Variants in CRPPA observed in about 807,000 individuals in gnomAD.
The protein encoded by CRPPA is CDP-L-ribitol pyrophosphorylase A, also known as D-ribitol-5-phosphate cytidylyltransferase.
A neutral mutation model predicts 52.0 loss-of-function variants in CRPPA; 43 were observed. The observed-to-expected ratio is 0.83, with a 90% confidence interval of 0.65 to 1.07. CRPPA has a LOEUF of 1.07. Ranked by LOEUF, CRPPA falls within the 50% of genes least tolerant of loss-of-function variation. The probability of loss-of-function intolerance (pLI) is 0.00; values close to 1 mark genes in which losing one functional copy is unlikely to be tolerated. For missense variants in CRPPA, 629 were observed against 551.7 expected, an observed-to-expected ratio of 1.14 and a Z score of -1.40; for synonymous variants, 250 against 203.5, an observed-to-expected ratio of 1.23 and a Z score of -1.94.
At chr7:16,149,947 C>T (rs945901038) in intron 9 of CRPPA, among the ~76,000 whole-genome samples, 3 of 151,052 alleles carry the variant, frequency 2.0e-5, no homozygotes, top group African/African-American at 7.3e-5. Flanking sequence ...GATCGCACCA[C>T]TGCACTCCAG....
intron 9 of CRPPA, among the ~76,000 whole-genome samples, chr7:16,128,648 A>T (rs6943936): frequency 5.3e-5 from 8 of 152,044 alleles, no homozygotes; most frequent in Non-Finnish European, 7.4e-5. Context: ...GTAGAAAGGC[A>T]GTGGGTGACA....
chr7:16,153,850 T>C (rs1783123245), intron 9 of CRPPA, among the ~76,000 whole-genome samples: 1 of 152,106 alleles, frequency 6.6e-6, no homozygotes, highest in Admixed American at 6.6e-5. Context: ...TCCCTTGAGA[T>C]AAACTTTAGG....
intron 9 of CRPPA, among the ~76,000 whole-genome samples, chr7:16,159,807 T>A (rs1783264639): frequency 6.6e-6 from 1 of 152,192 alleles, no homozygotes; most frequent in Non-Finnish European, 1.5e-5. Flanking sequence ...ATGGTTGAAC[T>A]AACTTACACT....
Position 16,216,179 on chromosome 7 carries a change from TA to T in CRPPA, c.1137del (p.Phe379LeufsTer3), listed in dbSNP as rs1157302803. On this transcript the variant is annotated frameshift_variant, in exon 9 of 10. Coordinates refer to ENST00000407010, the MANE Select transcript of CRPPA (RefSeq NM_001101426.4). LOFTEE classifies it high-confidence loss of function. ...VVVVSVHFLD[F>X]KLVPPSQKME... is the part of the protein sequence containing the mutation. ...ATTTTCTGACTGGGAGGTACTAATT[TA>T]AAATCAAGAAAATGAACCTGCAAAA... The T allele has an allele frequency of 6.3e-7, 1 of 1,577,100 alleles. No individual in the cohort carries two copies. The highest frequency in any genetic ancestry group is 8.7e-7 in the Non-Finnish European group (1 of 1,155,824).
chr7:16,206,908 A>G (rs1781987646), intron 9 of CRPPA, among the ~76,000 whole-genome samples: 2 of 152,146 alleles, frequency 1.3e-5, no homozygotes, highest in African/African-American at 2.4e-5. Flanking sequence ...GGAAGTTTGA[A>G]TCTTAATTAA....
intron 8 of CRPPA, among the ~76,000 whole-genome samples, chr7:16,242,292 T>C (rs534015203): frequency 6.6e-6 from 1 of 152,156 alleles, no homozygotes; most frequent in South Asian, 2.1e-4. Flanking sequence ...CATGAGAAAT[T>C]TTATGAATTT....
At chr7:16,198,277 C>T (rs1781779770) in intron 9 of CRPPA, among the ~76,000 whole-genome samples, 1 of 26,492 alleles carries the variant, frequency 3.8e-5, no homozygotes, top group Admixed American at 4.3e-4. Flanking sequence ...TATGCTCCAT[C>T]TACTGAGATA....
intron 5 of CRPPA, among the ~76,000 whole-genome samples, chr7:16,300,950 C>T (rs902819107): frequency 7.2e-5 from 11 of 152,140 alleles, no homozygotes; most frequent in Non-Finnish European, 1.6e-4. Context: ...TACAAAATTG[C>T]AGTCATTGTC....
chr7:16,383,640 G>A (rs1323926309), intron 2 of CRPPA, among the ~76,000 whole-genome samples: 1 of 152,230 alleles, frequency 6.6e-6, no homozygotes, highest in African/African-American at 2.4e-5. Flanking sequence ...AGCTGTGGTG[G>A]GCTCCACCCA....
chr7:16,260,052 A>T (rs915533705), intron 6 of CRPPA, among the ~76,000 whole-genome samples: 1 of 151,996 alleles, frequency 6.6e-6, no homozygotes, highest in Admixed American at 6.6e-5. Context: ...GTCCATAGTC[A>T]TCAACAATAT....
At chr7:16,148,000 A>G (rs1783006229) in intron 9 of CRPPA, among the ~76,000 whole-genome samples, 2 of 152,130 alleles carry the variant, frequency 1.3e-5, no homozygotes, top group African/African-American at 2.4e-5. Context: ...GTATTTCTTA[A>G]TCACCTCAAA....
At chr7:16,345,720 T>C (rs957715217) in intron 3 of CRPPA, among the ~76,000 whole-genome samples, 3 of 151,258 alleles carry the variant, frequency 2.0e-5, no homozygotes, top group African/African-American at 7.2e-5. Flanking sequence ...CTCAAGCTGT[T>C]AGTTTGGCAA....
chr7:16,104,259 A>G (rs1782104395), intron 9 of CRPPA, among the ~76,000 whole-genome samples: 1 of 152,198 alleles, frequency 6.6e-6, no homozygotes, highest in African/African-American at 2.4e-5. Flanking sequence ...GCAAAATCCT[A>G]GCCTGGCAAA....
chr7:16,285,095 C>G (rs541247145), intron 5 of CRPPA, among the ~76,000 whole-genome samples: 19 of 152,262 alleles, frequency 1.2e-4, no homozygotes, highest in African/African-American at 4.6e-4. Flanking sequence ...TACATAACAA[C>G]TACCTTGAGG....
chr7:16,346,656 T>G (rs954316148), intron 3 of CRPPA, among the ~76,000 whole-genome samples: 14 of 152,260 alleles, frequency 9.2e-5, no homozygotes, highest in Admixed American at 3.3e-4. Context: ...CACACCCTTG[T>G]CTTGTCTCAT....
chr7:16,139,211 G>GA (rs1782820067), intron 9 of CRPPA, among the ~76,000 whole-genome samples: 1 of 152,194 alleles, frequency 6.6e-6, no homozygotes, highest in Non-Finnish European at 1.5e-5. Flanking sequence ...GGAAACAGTA[G>GA]TCTAGTCAAA....
At chr7:16,174,191 A>G (rs1003010065) in intron 9 of CRPPA, among the ~76,000 whole-genome samples, 1 of 152,194 alleles carries the variant, frequency 6.6e-6, no homozygotes, top group Non-Finnish European at 1.5e-5. Context: ...CAGTGCAAAT[A>G]GGTGATGGCC....
chr7:16,323,223 G>C (rs1459173116), intron 3 of CRPPA, among the ~76,000 whole-genome samples: 1 of 152,070 alleles, frequency 6.6e-6, no homozygotes, highest in Non-Finnish European at 1.5e-5. Flanking sequence ...AGAATTTAAG[G>C]GGTCCTGGGA....
chr7:16,320,911 A>G (rs139282314), intron 3 of CRPPA, among the ~76,000 whole-genome samples: 168 of 152,308 alleles, frequency 1.1e-3, no homozygotes, highest in Non-Finnish European at 2.1e-3. Context: ...CTGATAATAT[A>G]GCTACAACCA....
Sources: allele counts gnomAD v4.1 joint callset (sites outside exome capture counted in the v4.1 genomes callset), GRCh38; gene constraint gnomAD v4.1.1; transcripts MANE v1.5; gene names NCBI Gene and HGNC (gene_info 2026-07-23, HGNC 2026-07-21).